The following SLC25A21 variants were observed in gnomAD, a reference collection of about 807,000 sequenced individuals.
SLC25A21 encodes solute carrier family 25 member 21.
A neutral mutation model predicts 43.8 loss-of-function variants in SLC25A21; 47 were observed. The ratio of observed to expected loss-of-function variants is 1.07; its 90% CI spans 0.85 to 1.37. The LOEUF is 1.37. Ranked by LOEUF, SLC25A21 falls within the 40% of genes most tolerant of loss-of-function variation. The pLI is 0.00. For synonymous variants in SLC25A21, 131 were observed against 121.3 expected, an observed-to-expected ratio of 1.08 and a Z score of -0.52; for missense variants, 352 against 350.2, an observed-to-expected ratio of 1.00 and a Z score of -0.04.
intron 2 of SLC25A21, among the ~76,000 whole-genome samples, chr14:36,843,032 C>T (rs1889434591): frequency 6.6e-6 from 1 of 152,168 alleles, no homozygotes; most frequent in South Asian, 2.1e-4. Flanking sequence ...GCACAGTTCA[C>T]AATAGGGTTC....
intron 1 of SLC25A21, among the ~76,000 whole-genome samples, chr14:37,004,177 G>T (rs1960547611): frequency 6.6e-6 from 1 of 152,004 alleles, no homozygotes; most frequent in African/African-American, 2.4e-5. Flanking sequence ...AAATGGCAAA[G>T]TATTAATAAT....
intron 1 of SLC25A21, among the ~76,000 whole-genome samples, chr14:36,939,756 AG>A (rs2138647412): frequency 6.6e-6 from 1 of 152,260 alleles, no homozygotes; most frequent in South Asian, 2.1e-4. Flanking sequence ...GCTCATTAAA[AG>A]GGGATAAAAT....
At chr14:36,888,427 A>T (rs1297035817) in intron 1 of SLC25A21, among the ~76,000 whole-genome samples, 2 of 152,076 alleles carry the variant, frequency 1.3e-5, no homozygotes, top group East Asian at 3.8e-4. Context: ...GTGATTTGCC[A>T]CTCTACTGTG....
intron 3 of SLC25A21, among the ~76,000 whole-genome samples, chr14:36,761,706 C>T (rs540599013): frequency 4.6e-5 from 7 of 152,092 alleles, no homozygotes; most frequent in East Asian, 3.9e-4. Context: ...TGTAGTGATA[C>T]CAAATGATAT....
intron 6 of SLC25A21, among the ~76,000 whole-genome samples, chr14:36,719,214 C>T (rs1884278163): frequency 6.6e-6 from 1 of 152,212 alleles, no homozygotes; most frequent in Non-Finnish European, 1.5e-5. Flanking sequence ...TGCCTTAGCA[C>T]AACTGATAGG....
chr14:37,027,099 G>A (rs889073551), intron 1 of SLC25A21, among the ~76,000 whole-genome samples: 1 of 152,154 alleles, frequency 6.6e-6, no homozygotes, highest in Non-Finnish European at 1.5e-5. Context: ...GGGACAGCGT[G>A]TTTATTGAAT....
At chr14:37,170,404 C>T (rs1964103501) in intron 1 of SLC25A21, among the ~76,000 whole-genome samples, 1 of 152,086 alleles carries the variant, frequency 6.6e-6, no homozygotes, top group African/African-American at 2.4e-5. Flanking sequence ...TATAAATTAG[C>T]ATACAGGTGC....
chr14:37,021,187 A>T (rs560325564), intron 1 of SLC25A21, among the ~76,000 whole-genome samples: 33 of 152,096 alleles, frequency 2.2e-4, no homozygotes, highest in African/African-American at 7.7e-4. Flanking sequence ...GCTGGATGCA[A>T]ATAGGGTTCC....
chr14:37,045,213 ACTCT>A (rs1247112815), intron 1 of SLC25A21, among the ~76,000 whole-genome samples: 2 of 152,152 alleles, frequency 1.3e-5, no homozygotes, highest in Non-Finnish European at 2.9e-5. Context: ...TAAACAGTGA[ACTCT>A]CTATGTTGTA....
chr14:37,042,021 A>G (rs1483143158), intron 1 of SLC25A21, among the ~76,000 whole-genome samples: 1 of 152,238 alleles, frequency 6.6e-6, no homozygotes, highest in East Asian at 1.9e-4. Context: ...TGATTTAAGC[A>G]ATTTCTGCTA....
chr14:37,095,845 A>ACAC (rs1175447694), intron 1 of SLC25A21, among the ~76,000 whole-genome samples: 46 of 21,804 alleles, frequency 2.1e-3, no homozygotes, highest in Admixed American at 2.7e-3. Flanking sequence ...CACACACACA[A>ACAC]AAAACACCTT....
intron 3 of SLC25A21, among the ~76,000 whole-genome samples, chr14:36,756,669 G>T (rs1327454598): frequency 6.6e-6 from 1 of 152,160 alleles, no homozygotes; most frequent in Non-Finnish European, 1.5e-5. Context: ...CATGAGGAAG[G>T]CTCAAGAGAT....
chr14:36,840,549 G>C (rs1404727424), intron 2 of SLC25A21, among the ~76,000 whole-genome samples: 2 of 152,214 alleles, frequency 1.3e-5, no homozygotes, highest in Non-Finnish European at 2.9e-5. Context: ...GAGAGCAGAA[G>C]AATCAGTTTG....
intron 1 of SLC25A21, among the ~76,000 whole-genome samples, chr14:36,903,614 G>GAAAAAAAAAAA (rs71124784): frequency 9.9e-5 from 5 of 50,458 alleles, no homozygotes; most frequent in African/African-American, 3.6e-4. Flanking sequence ...CTCCGTCTCA[G>GAAAAAAAAAAA]AAAAAAAAAA....
intron 2 of SLC25A21, among the ~76,000 whole-genome samples, chr14:36,831,426 T>C (rs566743903): frequency 2.0e-5 from 3 of 152,364 alleles, no homozygotes; most frequent in African/African-American, 7.2e-5. Context: ...ATTCACATTA[T>C]ATTTCTACTT....
chr14:36,982,393 A>G (rs1307288840), intron 1 of SLC25A21, among the ~76,000 whole-genome samples: 1 of 152,192 alleles, frequency 6.6e-6, no homozygotes. Context: ...ATATCACCAC[A>G]TAGTAACCTC....
At chr14:36,798,555 T>G (rs1045403134) in intron 3 of SLC25A21, among the ~76,000 whole-genome samples, 5 of 113,448 alleles carry the variant, frequency 4.4e-5, no homozygotes, top group African/African-American at 6.8e-5. Flanking sequence ...CAGAGCTGGG[T>G]TTTTTTTTTT....
At chr14:36,927,679 A>T (rs553400118) in intron 1 of SLC25A21, among the ~76,000 whole-genome samples, 38 of 152,324 alleles carry the variant, frequency 2.5e-4, no homozygotes, top group African/African-American at 7.0e-4. Flanking sequence ...GAGTCAATCC[A>T]GTATGTGGTT....
chr14:37,099,813 G>C (rs1479027105), intron 1 of SLC25A21, among the ~76,000 whole-genome samples: 2 of 152,100 alleles, frequency 1.3e-5, no homozygotes, highest in Admixed American at 6.6e-5. Flanking sequence ...CTCTGAGAGA[G>C]TAAGTGATTT....
Sources: gnomAD v4.1 joint callset for allele counts (sites outside exome capture counted in the v4.1 genomes callset) on GRCh38, gnomAD v4.1.1 for gene constraint, MANE v1.5 for transcripts, NCBI Gene and HGNC (gene_info 2026-07-23, HGNC 2026-07-21) for gene names.